Variants in AKAP9 observed in about 807,000 individuals in gnomAD.
The protein encoded by AKAP9 is A-kinase anchoring protein 9.
Under a neutral mutation model 488.5 loss-of-function variants are expected in AKAP9, and 311 were observed. That is an observed-to-expected ratio of 0.64 (90% confidence interval 0.58 to 0.70). AKAP9 has a LOEUF of 0.70. Among genes scored for constraint, AKAP9 ranks in the 30% least tolerant of loss-of-function variants. The pLI is 0.00. For synonymous variants in AKAP9, 1,462 were observed against 1,483.5 expected (o/e 0.99, Z 0.33); for missense variants, 4,215 against 4,374.5 (o/e 0.96, Z 1.03).
chr7:92,011,598 A>G (rs1047124276), intron 8 of AKAP9, among the ~76,000 whole-genome samples: 1 of 152,232 alleles, frequency 6.6e-6, no homozygotes, highest in African/African-American at 2.4e-5. Flanking sequence ...ATCTGACAGC[A>G]AGATTTACTA....
At chr7:92,077,033 C>A (rs764566699) in intron 29 of AKAP9, 26 bp downstream of exon 29, 9 of 1,387,426 alleles carry the variant, frequency 6.5e-6, no homozygotes, top group Non-Finnish European at 9.9e-7. Context: ...AAACTTTTAT[C>A]TGTAAATAAG....
Position 92,044,862 on chromosome 7 carries a change from G to A in AKAP9, c.5163-146G>A, listed in dbSNP as rs1806705398. ...AATAAAAAACAAGAAGCACTTTATT[G>A]TAGATGCTATTGGGTATTTTAATAA... On this transcript the variant is annotated intron_variant, in intron 20 of 49. Transcript: ENST00000356239. The A allele has an allele frequency of 2.3e-5, 14 of 614,746 alleles. 1 individual carries two copies. The highest frequency in any genetic ancestry group is 1.4e-4 in the East Asian group (5 of 35,682). The allele number at this position is 614,746 out of a possible 1,614,324, so 38.1% of individuals were successfully genotyped here. A position where few individuals can be genotyped will look rare whatever the true frequency, so the allele number is the denominator to read the frequency against.
chr7:91,969,178 C>T (rs973792970), intron 1 of AKAP9, among the ~76,000 whole-genome samples: 4 of 152,116 alleles, frequency 2.6e-5, no homozygotes, highest in Non-Finnish European at 5.9e-5. Context: ...ACATGAGCCA[C>T]CATGCCCAGC....
chr7:91,955,525 G>C (rs1792878293), intron 1 of AKAP9, among the ~76,000 whole-genome samples: 1 of 152,122 alleles, frequency 6.6e-6, no homozygotes. Flanking sequence ...TGAACTTAAT[G>C]GTATCATATG....
Position 91,995,653 on chromosome 7 carries a change from A to C in AKAP9, c.783A>C (p.Ala261=). The stretch of plus-strand genomic sequence containing the variant: ...ACAGCACTCATAGTAGCACAGCTGC[A>C]GACTTACTACAAGCCAAACAACAGA... ...LRNSTHSSTA[A]DLLQAKQQIL... The change falls in exon 7 of 50, where the codon GCA becomes GCC. Residue 261 remains alanine, a synonymous_variant. Coordinates refer to ENST00000356239, the MANE Select transcript of AKAP9 (RefSeq NM_005751.5). The C allele has an allele frequency of 6.2e-7, 1 of 1,614,160 alleles. No homozygotes were observed. The highest frequency in any genetic ancestry group is 8.5e-7 in the Non-Finnish European group (1 of 1,180,016).
intron 16 of AKAP9, among the ~76,000 whole-genome samples, chr7:92,034,343 A>G (rs1043025713): frequency 3.9e-5 from 6 of 151,946 alleles, no homozygotes; most frequent in African/African-American, 1.2e-4. Context: ...TCATGGTGAA[A>G]TATTGTGAAA....
intron 1 of AKAP9, among the ~76,000 whole-genome samples, chr7:91,947,753 C>T (rs1791650688): frequency 6.6e-6 from 1 of 152,092 alleles, no homozygotes. Context: ...TGGTTGGGAG[C>T]TTTTTGAGTT....
intron 14 of AKAP9, among the ~76,000 whole-genome samples, chr7:92,029,010 A>G (rs1248800352): frequency 2.0e-5 from 3 of 152,140 alleles, no homozygotes; most frequent in African/African-American, 4.8e-5. Context: ...AATAGGAGAA[A>G]GAAGGTTATG....
intron 16 of AKAP9, among the ~76,000 whole-genome samples, chr7:92,032,312 C>G (rs958907063): frequency 6.6e-6 from 1 of 152,044 alleles, no homozygotes; most frequent in Non-Finnish European, 1.5e-5. Context: ...GCTTGACCAA[C>G]GTGGAGAAAC....
intron 3 of AKAP9, among the ~76,000 whole-genome samples, chr7:91,985,666 G>A (rs1211022547): frequency 1.3e-5 from 2 of 151,864 alleles, no homozygotes; most frequent in East Asian, 3.9e-4. Flanking sequence ...TCTTTTTTCT[G>A]TGGCGGAGTC....
Position 92,079,319 on chromosome 7 carries a change from C to G in AKAP9, c.7186C>G (p.Leu2396Val). The change falls in exon 31 of 50, where the codon CTG becomes GTG. Residue 2396 changes from leucine to valine, a missense_variant. By Grantham distance (32) the Leu-to-Val change is conservative. Transcript: ENST00000356239. ...ATTGGATGTGGTTATAGCTGAAAAG[C>G]TGGCCTTGGAACAGCAAGTAGAAAC... is the stretch of plus-strand genomic sequence containing the variant. ...HQLDVVIAEK[L>V]ALEQQVETAN... 12 of 1,614,024 alleles carry G rather than the reference C, an allele frequency of 7.4e-6. No individual in the cohort carries two copies. The highest frequency in any genetic ancestry group is 7.6e-6 in the Non-Finnish European group (9 of 1,180,002).
At position 92,079,833 on chromosome 7, in the gene AKAP9, A is replaced by G. The variant is rs375743146; in HGVS notation, c.7700A>G (p.Tyr2567Cys). 1.2e-6 allele frequency: 2 copies of G among 1,614,156 alleles called. No homozygotes were observed. Among genetic ancestry groups the G allele is most frequent in the African/African-American group, 1.3e-5 (1 of 75,068 alleles). The stretch of plus-strand genomic sequence containing the variant: ...ATCCAACTTGAGGCAGTTCAGGAAT[A>G]TGCAAAATTCTGTCAAGATAATCAA... ...SQIQLEAVQE[Y>C]AKFCQDNQTI... Residue 2567 changes from tyrosine to cysteine, a missense_variant, in exon 31 of 50, where the codon TAT becomes TGT. Physicochemically the swap from Tyr to Cys is radical, Grantham distance 194 (BLOSUM62 -2). Transcript: ENST00000356239.
chr7:92,028,411 G>A (rs1044015722), intron 14 of AKAP9, among the ~76,000 whole-genome samples: 1 of 150,502 alleles, frequency 6.6e-6, no homozygotes, highest in Non-Finnish European at 1.5e-5. Context: ...TCTAGGCTGT[G>A]AAAGTAAGAT....
intron 43 of AKAP9, among the ~76,000 whole-genome samples, chr7:92,098,535 A>G (rs899051298): frequency 6.6e-6 from 1 of 152,204 alleles, no homozygotes; most frequent in African/African-American, 2.4e-5. Context: ...CAGTGTCTAA[A>G]CAATTGACTA....
chr7:91,957,508 A>G (rs1793165618), intron 1 of AKAP9, among the ~76,000 whole-genome samples: 2 of 152,302 alleles, frequency 1.3e-5, no homozygotes, highest in African/African-American at 4.8e-5. Flanking sequence ...TAACCACTAT[A>G]TGTATTTAGT....
At chr7:92,009,552 C>T (rs1005215941) in intron 8 of AKAP9, among the ~76,000 whole-genome samples, 4 of 151,696 alleles carry the variant, frequency 2.6e-5, no homozygotes, top group African/African-American at 7.3e-5. Context: ...CAACTCTCAA[C>T]GAATATATAA....
chr7:92,094,958 T>C (rs1423540168), intron 39 of AKAP9, 65 bp from the exon 40 acceptor site: 1 of 1,496,466 alleles, frequency 6.7e-7, no homozygotes, highest in Non-Finnish European at 9.3e-7. Flanking sequence ...AAGCTGTTTT[T>C]CTCTCTCTCA....
At chr7:92,012,778 G>A in intron 9 of AKAP9, 136 bp downstream of exon 9, 1 of 702,290 alleles carries the variant, frequency 1.4e-6, no homozygotes, top group Admixed American at 2.9e-5. Flanking sequence ...ATAATCACTA[G>A]ACATTCATTT....
intron 8 of AKAP9, among the ~76,000 whole-genome samples, chr7:92,006,074 AGGAAGCATTTTTG>A (rs1799810336): frequency 6.6e-6 from 1 of 152,182 alleles, no homozygotes; most frequent in Admixed American, 6.5e-5. Flanking sequence ...AAAATTTTTT[AGGAAGCATTTTTG>A]GGAGAAGACC....
Sources: allele counts gnomAD v4.1 joint callset (sites outside exome capture counted in the v4.1 genomes callset), GRCh38; gene constraint gnomAD v4.1.1; transcripts MANE v1.5; gene names NCBI Gene and HGNC (gene_info 2026-07-23, HGNC 2026-07-21).